GPSM1: variants seen among roughly 807,000 people sequenced by gnomAD.
GPSM1 encodes G protein-signaling modulator 1.
GPSM1 carries 48 observed loss-of-function variants against 70.5 expected under a neutral mutation model. The observed-to-expected ratio is 0.68, with a 90% CI of 0.54 to 0.87. GPSM1 has a LOEUF of 0.87. GPSM1 is among the 40% of genes least tolerant of loss of function. The pLI, the probability that GPSM1 is intolerant of heterozygous loss-of-function variation, is 0.00. For synonymous variants in GPSM1, 416 were observed against 430.1 expected (o/e 0.97, Z 0.41); for missense variants, 981 against 972.6 (o/e 1.01, Z -0.11).
Position 136,343,436 on chromosome 9 carries a change from T to G in GPSM1, c.1207+2443T>G, listed in dbSNP as rs1832443149. Among the ~76,000 whole-genome samples the G allele has an allele frequency of 6.6e-6, 1 of 152,228 alleles. No individual in the cohort carries two copies. ...TGTCCCACAGGATGTGCGACTGCCC[T>G]CGGCCCTGCTGACCGTACTTCTCAG... On this transcript the variant is annotated intron_variant, in intron 9 of 13. Transcript: ENST00000440944. This position sits in a 1 kb window ranked among gnomAD's most constrained non-coding sequence, Gnocchi z 6.0.
chr9:136,344,326 C>T lies in GPSM1; in HGVS notation c.1207+3333C>T, dbSNP rs1292935159. Among the ~76,000 whole-genome samples, 9 of 152,278 alleles carry T rather than the reference C, an allele frequency of 5.9e-5. No individual in the cohort carries two copies. In the South Asian group the frequency reaches 1.7e-3, roughly 28 times the overall value. On this transcript the variant is annotated intron_variant, in intron 9 of 13. Coordinates refer to ENST00000440944, the MANE Select transcript of GPSM1 (RefSeq NM_001145638.3). ...GGGAGATGACCATCATGGTCCATTCCGACTGCCCTCACAAAGCACCGCAGG... is the reference window on the plus strand; with the variant it reads ...GGGAGATGACCATCATGGTCCATTCTGACTGCCCTCACAAAGCACCGCAGG...
rs993816140 is a variant in GPSM1 at position 136,343,132 on chromosome 9, G to T, written c.1207+2139G>T. On this transcript the variant is annotated intron_variant, in intron 9 of 13. Transcript: ENST00000440944. This position sits in a 1 kb window ranked among gnomAD's most constrained non-coding sequence, Gnocchi z 6.0. ...AAGTGTGTCTGGGGGTCACCACCCT[G>T]CCAGCCACTGCCCTTGTCCAGCTCC... Among the ~76,000 whole-genome samples the T allele has an allele frequency of 9.9e-5, 15 of 152,124 alleles. No individual in the cohort carries two copies. Among genetic ancestry groups the T allele is most frequent in the African/African-American group, 3.6e-4 (15 of 41,430 alleles).
chr9:136,341,456 C>G lies in GPSM1; in HGVS notation c.1207+463C>G. On this transcript the variant is annotated intron_variant, in intron 9 of 13. Coordinates refer to ENST00000440944, the MANE Select transcript of GPSM1 (RefSeq NM_001145638.3). This position sits in a 1 kb window ranked among gnomAD's most constrained non-coding sequence, Gnocchi z 6.7. ...CAAGGCCCAAGGCCATGCGAGGCCA[C>G]CGTGGTGACCTCATTCATGGACCGC... 1 of 1,351,456 alleles carries G rather than the reference C, an allele frequency of 7.4e-7. No individual in the cohort carries two copies. Among genetic ancestry groups the G allele is most frequent in the Middle Eastern group, 2.8e-4 (1 of 3,612 alleles). 83.7% of individuals were successfully genotyped at this position (1,351,456 alleles called of 1,614,324 possible). A position where few individuals can be genotyped will look rare whatever the true frequency, so the allele number is the denominator to read the frequency against.
chr9:136,354,983 TGA>T lies in GPSM1; in HGVS notation c.1456-703_1456-702del, dbSNP rs1321297255. 13 of 1,075,960 alleles carry T rather than the reference TGA, an allele frequency of 1.2e-5. No individual in the cohort carries two copies. In the Admixed American group the frequency reaches 1.7e-4, roughly 14 times the overall value. 66.7% of individuals were successfully genotyped at this position (1,075,960 alleles called of 1,614,324 possible). On this transcript the variant is annotated intron_variant, in intron 11 of 13. Coordinates refer to ENST00000440944, the MANE Select transcript of GPSM1 (RefSeq NM_001145638.3). ...GAGGCCTGGACTGGGGTAGCACCCA[TGA>T]GAGGGGAGAAGTCCGGGGCAGTCGG...
intron 13 of GPSM1, among the ~76,000 whole-genome samples, chr9:136,357,746 C>T (rs1281492367): frequency 6.6e-6 from 1 of 152,224 alleles, no homozygotes; most frequent in Non-Finnish European, 1.5e-5. Context: ...ACACCCATGC[C>T]CAGTGGGAAT....
intron 1 of GPSM1, among the ~76,000 whole-genome samples, chr9:136,330,113 C>T (rs1832067959): frequency 6.6e-6 from 1 of 152,122 alleles, no homozygotes; most frequent in African/African-American, 2.4e-5. Context: ...CGGGGACAGG[C>T]CAGTGGCTGA....
At position 136,340,095 on chromosome 9, in the gene GPSM1, C is replaced by T. The variant is rs80147071; in HGVS notation, c.1083+280C>T. On this transcript the variant is annotated intron_variant, in intron 8 of 13. Transcript: ENST00000440944. This position sits in a 1 kb window ranked among gnomAD's most constrained non-coding sequence, Gnocchi z 7.3. ...TGTGGGCTCCGCCCATCAGCGCCCT[C>T]CTACTGTGGTCAGGGCGGAACATCA... 4.6e-5 allele frequency among the ~76,000 whole-genome samples: 7 copies of T among 152,220 alleles called. No homozygotes were observed. In the East Asian group the frequency reaches 1.3e-3, roughly 29 times the overall value.
intron 11 of GPSM1, among the ~76,000 whole-genome samples, chr9:136,353,905 G>C (rs973007729): frequency 6.6e-6 from 1 of 152,220 alleles, no homozygotes; most frequent in East Asian, 1.9e-4. Context: ...CCCTCTGCCT[G>C]GACCTGCAGC....
rs1554773642 is a variant in GPSM1 at position 136,358,208 on chromosome 9, T to C, written c.2016T>C (p.Pro672=). 6.5e-7 allele frequency: 1 copy of C among 1,550,126 alleles called. No homozygotes were observed. The highest frequency in any genetic ancestry group is 1.2e-5 in the South Asian group (1 of 85,560). The change falls in exon 14 of 14, where the codon CCT becomes CCC. Residue 672 remains proline (P), a synonymous_variant. Coordinates refer to ENST00000440944, the MANE Select transcript of GPSM1 (RefSeq NM_001145638.3). ...CCGAGCCCCAGCAGCAGTGCCAGCCTGGTGCGAGCTAAGGCCCTGTGCCCA... is the reference window on the plus strand; with the variant it reads ...CCGAGCCCCAGCAGCAGTGCCAGCCCGGTGCGAGCTAAGGCCCTGTGCCCA... ...GPPEPQQQCQ[P]GAS
At chr9:136,353,632 G>A (rs1474239363) in intron 11 of GPSM1, among the ~76,000 whole-genome samples, 1 of 152,196 alleles carries the variant, frequency 6.6e-6, no homozygotes, top group East Asian at 1.9e-4. Context: ...CCCGACATAG[G>A]ACCCTGAGAG....
intron 5 of GPSM1, 137 bp from the exon 6 acceptor site, chr9:136,337,709 G>A: frequency 3.1e-6 from 3 of 978,288 alleles, no homozygotes; most frequent in Non-Finnish European, 4.7e-6. Flanking sequence ...ATCTGCACTT[G>A]GTCCTGCAGC....
Position 136,356,333 on chromosome 9 carries a change from C to T in GPSM1, c.1613-9C>T. On this transcript the variant is annotated splice_polypyrimidine_tract_variant and intron_variant, in intron 12 of 13. Transcript: ENST00000440944. ...TGGGTCCCAGGTCTCACCCTCTGGC[C>T]CCCCGCAGCCCAGCCCTCGATGACG... 6.4e-7 allele frequency: 1 copy of T among 1,556,844 alleles called. No homozygotes were observed. Among genetic ancestry groups the T allele is most frequent in the Non-Finnish European group, 8.7e-7 (1 of 1,150,064 alleles).
intron 11 of GPSM1, 34 bp from the exon 12 acceptor site, chr9:136,355,656 A>G: frequency 1.9e-6 from 3 of 1,603,342 alleles, no homozygotes; most frequent in Non-Finnish European, 2.6e-6. Flanking sequence ...CTGCGGGGCT[A>G]GCTTTGGCTG....
At chr9:136,352,294 CGTTGCTGTTGGTG>C in intron 11 of GPSM1, among the ~76,000 whole-genome samples, 1 of 145,942 alleles carries the variant, frequency 6.9e-6, no homozygotes, top group Non-Finnish European at 1.5e-5. Context: ...GATGCTGCGC[CGTTGCTGTTGGTG>C]ACACCGATGC....
intron 2 of GPSM1, 51 bp downstream of exon 2, chr9:136,334,719 C>A (rs1245520998): frequency 2.7e-6 from 4 of 1,454,620 alleles, no homozygotes; most frequent in African/African-American, 1.5e-5. Context: ...CCTGCTGGCG[C>A]GGTGAGTGGG....
rs1490400942 is a variant in GPSM1 at position 136,341,408 on chromosome 9, A to G, written c.1207+415A>G. ...GGCTGGGCTGGGCTGTGGGAGCCCTATGTGCCTGGGGCAGTAATCAGGCAA... is the reference window on the plus strand; with the variant it reads ...GGCTGGGCTGGGCTGTGGGAGCCCTGTGTGCCTGGGGCAGTAATCAGGCAA... On this transcript the variant is annotated intron_variant, in intron 9 of 13. Transcript: ENST00000440944. The surrounding 1 kb of genome is among the most constrained non-coding windows in gnomAD (Gnocchi z 6.7). The G allele has an allele frequency of 7.0e-6, 10 of 1,419,168 alleles. No individual in the cohort carries two copies. Among genetic ancestry groups the G allele is most frequent in the African/African-American group, 2.9e-5 (2 of 69,068 alleles). The allele number at this position is 1,419,168 out of a possible 1,614,324, so 87.9% of individuals were successfully genotyped here. A position where few individuals can be genotyped will look rare whatever the true frequency, so the allele number is the denominator to read the frequency against.
intron 1 of GPSM1, among the ~76,000 whole-genome samples, chr9:136,329,411 C>A (rs4074593): frequency 6.6e-6 from 1 of 152,140 alleles, no homozygotes; most frequent in South Asian, 2.1e-4. Flanking sequence ...GTGGAAGCTG[C>A]GGGCCAGACG....
In GPSM1 at chr9:136,358,130, C is replaced by A. The variant is rs763582102; in HGVS notation, c.1938C>A (p.Asp646Glu). 1 of 1,610,922 alleles carries A rather than the reference C, an allele frequency of 6.2e-7. No homozygotes were observed. The highest frequency in any genetic ancestry group is 2.2e-5 in the East Asian group (1 of 44,816). Reference protein sequence around the residue: ...LIQRVQAKRMDEQRVDLAGGP... With the variant: ...LIQRVQAKRMEEQRVDLAGGP... ...AGAGGGTGCAGGCTAAGCGCATGGA[C>A]GAGCAGCGGGTGGACCTCGCCGGGG... Residue 646 changes from aspartate to glutamate, a missense_variant, in exon 14 of 14, where the codon GAC (aspartate) becomes GAA (glutamate). Asp to Glu is a conservative substitution (Grantham distance 45). Transcript: ENST00000440944.
chr9:136,356,130 CT>C (rs1832814269), intron 12 of GPSM1, among the ~76,000 whole-genome samples: 1 of 152,130 alleles, frequency 6.6e-6, no homozygotes, highest in South Asian at 2.1e-4. Context: ...CTGTCACCCC[CT>C]GGAAGCCCCT....
Sources: allele counts gnomAD v4.1 joint callset (sites outside exome capture counted in the v4.1 genomes callset), GRCh38; gene constraint gnomAD v4.1.1; non-coding constraint Gnocchi (gnomAD v3.1); transcripts MANE v1.5; gene names NCBI Gene and HGNC (gene_info 2026-07-23, HGNC 2026-07-21).